Variants in ERMP1 observed in about 807,000 individuals in gnomAD.
ERMP1 encodes the protein endoplasmic reticulum metallopeptidase 1, also known as Felix-ina.
Under a neutral mutation model 92.0 loss-of-function variants are expected in ERMP1, and 86 were observed. That is an observed-to-expected ratio of 0.93 (90% confidence interval 0.79 to 1.12). ERMP1 has a LOEUF of 1.12. Among genes scored for constraint, ERMP1 ranks in the 50% most tolerant of loss-of-function variants. The pLI is 0.00. For missense variants in ERMP1, 1,342 were observed against 1,116.3 expected, an observed-to-expected ratio of 1.20 and a Z score of -2.88; for synonymous variants, 530 against 412.8, an observed-to-expected ratio of 1.28 and a Z score of -3.44.
intron 5 of ERMP1, among the ~76,000 whole-genome samples, chr9:5,861,814 G>T (rs997143649): frequency 1.3e-5 from 2 of 150,378 alleles, no homozygotes; most frequent in Non-Finnish European, 3.0e-5. Flanking sequence ...AGGGGAGGGG[G>T]ACTGCTCATT....
chr9:5,824,460 T>C (rs1206386626), intron 3 of ERMP1, among the ~76,000 whole-genome samples: 1 of 152,164 alleles, frequency 6.6e-6, no homozygotes, highest in African/African-American at 2.4e-5. Flanking sequence ...TGGAGTGCAA[T>C]GGCTCGATCT....
Position 5,823,769 on chromosome 9 carries a change from C to T in ERMP1, c.874+127G>A, listed in dbSNP as rs568850978. Reference sequence around the variant, plus strand: ...TTTTAACAAAGACAAGCTAACACCACCTCATGCTTTAAAAAGAATGCTCAT... The same window carrying T: ...TTTTAACAAAGACAAGCTAACACCATCTCATGCTTTAAAAAGAATGCTCAT... On this transcript the variant is annotated intron_variant, in intron 4 of 14. Transcript: ENST00000339450. The T allele has an allele frequency of 3.1e-4, 218 of 693,876 alleles. 1 individual carries two copies. In the African/African-American group the frequency reaches 3.4e-3, roughly 11 times the overall value. 43.0% of individuals were successfully genotyped at this position (693,876 alleles called of 1,614,324 possible).
At chr9:5,828,583 C>G (rs1307934672) in intron 2 of ERMP1, among the ~76,000 whole-genome samples, 1 of 152,200 alleles carries the variant, frequency 6.6e-6, no homozygotes, top group East Asian at 1.9e-4. Context: ...TTTGTCACTT[C>G]TCTAAAAATG....
At chr9:5,831,330 G>C (rs1317462518) in intron 1 of ERMP1, among the ~76,000 whole-genome samples, 1 of 152,182 alleles carries the variant, frequency 6.6e-6, no homozygotes, top group South Asian at 2.1e-4. Flanking sequence ...CACTGGCCAG[G>C]CACGGTGGCT....
chr9:5,797,306 A>G (rs1253113112), intron 13 of ERMP1, among the ~76,000 whole-genome samples: 1 of 151,910 alleles, frequency 6.6e-6, no homozygotes, highest in East Asian at 1.9e-4. Flanking sequence ...CCTCCTGAGT[A>G]GCAAGCATAA....
Position 5,830,950 on chromosome 9 carries a change from G to A in ERMP1, c.417C>T (p.Tyr139=), listed in dbSNP as rs1829916125. Residue 139 remains tyrosine (Y), a synonymous_variant, in exon 2 of 15, where the codon TAC becomes TAT. Transcript: ENST00000339450. The part of the protein sequence containing the change: ...SPENEILTVH[Y]LLEQIKLIEV... ...CAATCAGTTTAATCTGTTCCAAAAG[G>A]TAGTGCACGGTCAGAATTTCATTTT... 9 of 1,613,964 alleles carry A rather than the reference G, an allele frequency of 5.6e-6. No individual in the cohort carries two copies. The highest frequency in any genetic ancestry group is 6.8e-6 in the Non-Finnish European group (8 of 1,179,976).
At chr9:5,848,904 C>T (rs906954830) in intron 6 of ERMP1, among the ~76,000 whole-genome samples, 1 of 152,088 alleles carries the variant, frequency 6.6e-6, no homozygotes, top group Non-Finnish European at 1.5e-5. Context: ...AGAGGAGGGA[C>T]CTATGTGGCT....
intron 3 of ERMP1, among the ~76,000 whole-genome samples, 196 bp from the exon 4 acceptor site, chr9:5,824,197 A>G (rs1427882056): frequency 6.6e-6 from 1 of 152,222 alleles, no homozygotes; most frequent in East Asian, 1.9e-4. Context: ...CAGGTTCGGA[A>G]AGTCACCTAT....
In ERMP1 at chr9:5,805,661, G is replaced by A. The variant is rs374260134; in HGVS notation, c.1673C>T (p.Ala558Val). The A allele has an allele frequency of 3.1e-6, 5 of 1,610,666 alleles. No homozygotes were observed. Among genetic ancestry groups the A allele is most frequent in the African/African-American group, 2.7e-5 (2 of 74,572 alleles). Residue 558 changes from alanine to valine, a missense_variant, in exon 9 of 15, where the codon GCA becomes GTA. Transcript: ENST00000339450. ...ACAGAGCTTTGTGAGCAATGGGAATGCTACCCAGACAGCACTAATAAACGC... is the reference window on the plus strand; with the variant it reads ...ACAGAGCTTTGTGAGCAATGGGAATACTACCCAGACAGCACTAATAAACGC... ...CSAFISAVWV[A>V]FPLLTKLCVH...
chr9:5,811,981 T>C (rs1310227717), intron 6 of ERMP1, 144 bp downstream of exon 6: 13 of 542,630 alleles, frequency 2.4e-5, no homozygotes, highest in Non-Finnish European at 3.9e-5. Flanking sequence ...ATTCAAGATC[T>C]CATCTCTCCA....
chr9:5,801,813 C>G (rs947885037), intron 10 of ERMP1, among the ~76,000 whole-genome samples: 1 of 152,194 alleles, frequency 6.6e-6, no homozygotes, highest in Non-Finnish European at 1.5e-5. Context: ...GCCAGTGGAC[C>G]TGCATAAGAG....
At chr9:5,813,623 G>T (rs950653356) in intron 4 of ERMP1, among the ~76,000 whole-genome samples, 1 of 152,000 alleles carries the variant, frequency 6.6e-6, no homozygotes, top group African/African-American at 2.4e-5. Context: ...TGCTCAAAAA[G>T]TTGTGAATTG....
chr9:5,824,161 T>G (rs1829647399), intron 3 of ERMP1, among the ~76,000 whole-genome samples, 160 bp from the exon 4 acceptor site: 2 of 152,270 alleles, frequency 1.3e-5, no homozygotes, highest in South Asian at 4.1e-4. Context: ...TCTGCTTCTT[T>G]TCCTATGCAT....
At position 5,805,230 on chromosome 9, in the gene ERMP1, A is replaced by AG; in HGVS notation, c.1724-14dup. 1 of 1,591,322 alleles carries AG rather than the reference A, an allele frequency of 6.3e-7. No homozygotes were observed. Among genetic ancestry groups the AG allele is most frequent in the Non-Finnish European group, 8.6e-7 (1 of 1,166,896 alleles). On this transcript the variant is annotated splice_polypyrimidine_tract_variant and intron_variant, in intron 9 of 14. Transcript: ENST00000339450. ...TTTCCTTGGGCACCTAGGGAAAAAG[A>AG]GAAAAAAAGCACACATCTATGAAAT...
chr9:5,817,229 G>A (rs1158393825), intron 4 of ERMP1, among the ~76,000 whole-genome samples: 3 of 143,572 alleles, frequency 2.1e-5, no homozygotes, highest in African/African-American at 5.2e-5. Flanking sequence ...TCGCTCTGTC[G>A]TCCAGGCTGG....
intron 6 of ERMP1, among the ~76,000 whole-genome samples, chr9:5,841,065 C>T (rs1830157175): frequency 6.6e-6 from 1 of 152,200 alleles, no homozygotes; most frequent in African/African-American, 2.4e-5. Context: ...AGGAATGTAA[C>T]ATTCATACCC....
intron 13 of ERMP1, among the ~76,000 whole-genome samples, chr9:5,790,111 G>A (rs186385776): frequency 1.3e-5 from 2 of 151,838 alleles, no homozygotes; most frequent in Admixed American, 1.3e-4. Flanking sequence ...GAGAGAAAGA[G>A]GAAAGTAGAA....
chr9:5,838,799 G>C (rs1452512868), intron 6 of ERMP1, among the ~76,000 whole-genome samples: 1 of 148,512 alleles, frequency 6.7e-6, no homozygotes, highest in African/African-American at 2.5e-5. Context: ...AATATTAAGA[G>C]AAACAAAAAA....
At chr9:5,788,711 G>A (rs1828042710) in intron 13 of ERMP1, among the ~76,000 whole-genome samples, 1 of 151,616 alleles carries the variant, frequency 6.6e-6, no homozygotes, top group Non-Finnish European at 1.5e-5. Context: ...GAAAAAAAAA[G>A]AAATAACCAT....
Sources: allele counts gnomAD v4.1 joint callset (sites outside exome capture counted in the v4.1 genomes callset), GRCh38; gene constraint gnomAD v4.1.1; transcripts MANE v1.5; gene names NCBI Gene and HGNC (gene_info 2026-07-23, HGNC 2026-07-21).